SP140: variants seen among roughly 807,000 people sequenced by gnomAD.
SP140 encodes SP140 nuclear body protein, also known as nuclear body protein SP140.
A neutral mutation model predicts 125.0 loss-of-function variants in SP140; 81 were observed. That is an observed-to-expected ratio of 0.65 (90% CI 0.54 to 0.78). The LOEUF is 0.78. Among genes scored for constraint, SP140 ranks in the 30% least tolerant of loss-of-function variants. The probability of loss-of-function intolerance (pLI) is 0.00; values close to 1 mark genes in which losing one functional copy is unlikely to be tolerated. For missense variants in SP140, 858 were observed against 1,037.0 expected (o/e 0.83, Z 2.37); for synonymous variants, 312 against 354.0 (o/e 0.88, Z 1.33).
At chr2:230,197,492 T>C in the SP140 span, among the ~76,000 whole-genome samples, 3 of 148,644 alleles carry the variant, frequency 2.0e-5, no homozygotes, top group Non-Finnish European at 3.0e-5. Flanking sequence ...ATTTTGTAGG[T>C]TGCCTGTTCA....
upstream of SP140, among the ~76,000 whole-genome samples, chr2:230,222,705 A>T (rs972397206): frequency 6.6e-6 from 1 of 152,050 alleles, no homozygotes; most frequent in Non-Finnish European, 1.5e-5. Flanking sequence ...CAAAAAAAAA[A>T]AAAAAGATAC....
In SP140 at chr2:230,211,363, G is replaced by T. The variant is rs565863288; in HGVS notation, c.-322-2291G>T. On this transcript the variant is annotated intron_variant, in intron 1 of 4. Coordinates refer to the SP140 transcript ENST00000456542. This position sits in a 1 kb window ranked among gnomAD's most constrained non-coding sequence, Gnocchi z 4.2. ...GTGAACTGGAAGCTGGGCCAAGATT[G>T]CTGAGAGGCAGGAGGAGAGCCCCCT... 24 of 788,696 alleles carry T rather than the reference G, an allele frequency of 3.0e-5. No individual in the cohort carries two copies. The African/African-American group carries it at 4.0e-4, about 13-fold the overall frequency. The allele number at this position is 788,696 out of a possible 1,614,324, so 48.9% of individuals were successfully genotyped here. A position where few individuals can be genotyped will look rare whatever the true frequency, so the allele number is the denominator to read the frequency against.
In SP140 at chr2:230,214,076, T is replaced by C. The variant is rs1351338779; in HGVS notation, c.-91+2T>C. On this transcript the variant is annotated splice_donor_variant, in intron 3 of 4. Transcript: ENST00000456542. LOFTEE classifies it low-confidence loss of function (5UTR_SPLICE). ...TGGTCCTTTGCTTGTTGTTCTGAGG[T>C]AAGTGAACATGTGATTTGGCCACAG... The C allele has an allele frequency of 6.6e-6, 1 of 152,164 alleles. No homozygotes were observed. Among genetic ancestry groups the C allele is most frequent in the Non-Finnish European group, 1.5e-5 (1 of 68,004 alleles). 9.4% of individuals were successfully genotyped at this position (152,164 alleles called of 1,614,324 possible). A position where few individuals can be genotyped will look rare whatever the true frequency, so the allele number is the denominator to read the frequency against.
chr2:230,201,571 A>G (rs1449286402), upstream of SP140, among the ~76,000 whole-genome samples: 1 of 152,250 alleles, frequency 6.6e-6, no homozygotes, highest in Non-Finnish European at 1.5e-5. Context: ...TCTACCCTTG[A>G]GTACATATCT....
intron 11 of SP140, among the ~76,000 whole-genome samples, 154 bp downstream of exon 11, chr2:230,253,571 T>C (rs1479008812): frequency 6.6e-6 from 1 of 152,202 alleles, no homozygotes; most frequent in African/African-American, 2.4e-5. Flanking sequence ...GGGCTTTTTT[T>C]GTAAATTGTG....
At chr2:230,297,392 A>G (rs2057842256) in intron 21 of SP140, 29 bp from the exon 22 acceptor site, 2 of 1,610,956 alleles carry the variant, frequency 1.2e-6, no homozygotes, top group Non-Finnish European at 1.7e-6. Flanking sequence ...ATTCAATATC[A>G]TAAATCAATC....
chr2:230,294,479 C>T (rs1479867640), intron 21 of SP140, among the ~76,000 whole-genome samples, 161 bp downstream of exon 21: 1 of 152,182 alleles, frequency 6.6e-6, no homozygotes, highest in Non-Finnish European at 1.5e-5. Flanking sequence ...TTCAGAGTCG[C>T]TAATTTGAAC....
At chr2:230,281,762 G>A (rs907087897) in intron 15 of SP140, among the ~76,000 whole-genome samples, 1 of 152,162 alleles carries the variant, frequency 6.6e-6, no homozygotes, top group Non-Finnish European at 1.5e-5. Context: ...TTGCTAAGTA[G>A]TGTACATTAT....
chr2:230,272,164 C>G (rs970221199), intron 15 of SP140, among the ~76,000 whole-genome samples: 2 of 152,132 alleles, frequency 1.3e-5, no homozygotes, highest in African/African-American at 4.8e-5. Flanking sequence ...AAATTCAATG[C>G]TATTGCCATT....
intron 22 of SP140, among the ~76,000 whole-genome samples, chr2:230,307,994 C>CAT (rs1559374789): frequency 1.5e-5 from 1 of 66,680 alleles, no homozygotes; most frequent in Non-Finnish European, 3.4e-5. Flanking sequence ...TATATATACA[C>CAT]ACACACACAC....
chr2:230,190,273 G>C, the SP140 span, among the ~76,000 whole-genome samples: 1 of 152,074 alleles, frequency 6.6e-6, no homozygotes, highest in East Asian at 1.9e-4. Flanking sequence ...GTCTCTCATT[G>C]CAGTTTTGAT....
intron 9 of SP140, among the ~76,000 whole-genome samples, 166 bp from the exon 10 acceptor site, chr2:230,250,815 T>A (rs1401303578): frequency 1.3e-5 from 2 of 152,168 alleles, no homozygotes; most frequent in Admixed American, 1.3e-4. Flanking sequence ...TGACAGCAAC[T>A]GGAGTGCATC....
chr2:230,263,895 T>A (rs915873337), intron 12 of SP140, among the ~76,000 whole-genome samples: 2 of 152,318 alleles, frequency 1.3e-5, no homozygotes, highest in South Asian at 4.1e-4. Context: ...GTCTCACAGC[T>A]CTAAAGATTC....
chr2:230,200,832 G>C, upstream of SP140: 1 of 1,335,310 alleles, frequency 7.5e-7, no homozygotes, highest in Non-Finnish European at 1.1e-6. Context: ...AGACAGCTCT[G>C]AATTTAGATT....
At chr2:230,274,417 A>G (rs1483327906) in intron 15 of SP140, among the ~76,000 whole-genome samples, 1 of 152,200 alleles carries the variant, frequency 6.6e-6, no homozygotes, top group East Asian at 1.9e-4. Flanking sequence ...ACTATGGAAG[A>G]ATGGTCAGAG....
At chr2:230,224,236 A>G (rs923230612), upstream of SP140, among the ~76,000 whole-genome samples, 1 of 152,172 alleles carries the variant, frequency 6.6e-6, no homozygotes, top group African/African-American at 2.4e-5. Flanking sequence ...AAGCTGGCAC[A>G]TTTTCAAAAA....
At chr2:230,252,828 G>A (rs2050573453) in intron 10 of SP140, among the ~76,000 whole-genome samples, 1 of 151,618 alleles carries the variant, frequency 6.6e-6, no homozygotes, top group Non-Finnish European at 1.5e-5. Context: ...GGGGGTTCAG[G>A]GCCGGGTCAC....
rs111416554 is a variant in SP140, at chr2:230,280,290, G to A, written c.1499-4056G>A. On this transcript the variant is annotated intron_variant, in intron 15 of 26. Transcript: ENST00000392045. ...CTTTATCCCTGTTAATGCTTTTGCC[G>A]TAAAATCTCTTTTGCCAAGTACTAA... Among the ~76,000 whole-genome samples the A allele has an allele frequency of 1.2e-3, 185 of 152,052 alleles. 1 individual carries two copies. The highest frequency in any genetic ancestry group is 3.9e-3 in the African/African-American group (161 of 41,500).
At chr2:230,236,846 C>T (rs980517228) in intron 1 of SP140, among the ~76,000 whole-genome samples, 5 of 152,228 alleles carry the variant, frequency 3.3e-5, no homozygotes, top group African/African-American at 9.6e-5. Context: ...TTGATTGGAA[C>T]AGGGTGAGCC....
Sources: gnomAD v4.1 joint callset for allele counts (sites outside exome capture counted in the v4.1 genomes callset) on GRCh38, gnomAD v4.1.1 for gene constraint, Gnocchi (gnomAD v3.1) non-coding constraint, MANE v1.5 for transcripts, NCBI Gene and HGNC (gene_info 2026-07-23, HGNC 2026-07-21) for gene names.